Variants in MCTP1 observed in about 807,000 individuals in gnomAD.
MCTP1 encodes multiple C2 and transmembrane domain containing 1.
In MCTP1, 69 loss-of-function variants were observed where a neutral mutation model predicts 120.6. The observed-to-expected ratio is 0.57, with a 90% CI of 0.47 to 0.70. MCTP1 has a LOEUF of 0.70. Among genes scored for constraint, MCTP1 ranks in the 30% least tolerant of loss-of-function variants. MCTP1 has a pLI of 0.00. For missense variants in MCTP1, 1,203 were observed against 1,248.8 expected (o/e 0.96, Z 0.55); for synonymous variants, 529 against 493.1 (o/e 1.07, Z -0.96).
At chr5:95,067,833 G>A (rs1481154687) in intron 1 of MCTP1, among the ~76,000 whole-genome samples, 2 of 152,048 alleles carry the variant, frequency 1.3e-5, no homozygotes, top group African/African-American at 4.8e-5. Context: ...TGACAATTTG[G>A]AAATATACAA....
chr5:95,092,959 C>T (rs916988341), intron 1 of MCTP1, among the ~76,000 whole-genome samples: 2 of 152,126 alleles, frequency 1.3e-5, no homozygotes, highest in Admixed American at 6.5e-5. Context: ...TCTTAAGACA[C>T]CTCATAGGGA....
rs189627333 is a variant in MCTP1, at chr5:95,204,569, A to G, written c.720+79287T>C. On this transcript the variant is annotated intron_variant, in intron 1 of 22. Transcript: ENST00000515393. ...AATATGAAAGTCATCCAGATTGGAA[A>G]GGAAGAAATAAAGTTATCTCTACTT... is the stretch of plus-strand genomic sequence containing the variant. Among the ~76,000 whole-genome samples the G allele has an allele frequency of 3.2e-3, 482 of 152,330 alleles. 4 individuals carry two copies. Among genetic ancestry groups the G allele is most frequent in the African/African-American group, 0.011 (459 of 41,580 alleles).
intron 12 of MCTP1, among the ~76,000 whole-genome samples, chr5:94,879,198 T>C (rs1365694251): frequency 1.3e-5 from 2 of 152,110 alleles, no homozygotes. Flanking sequence ...GTATACTGTG[T>C]GAAATGGCAG....
intron 17 of MCTP1, among the ~76,000 whole-genome samples, chr5:94,837,264 C>G (rs1343055109): frequency 6.6e-6 from 1 of 152,024 alleles, no homozygotes; most frequent in Non-Finnish European, 1.5e-5. Context: ...ACCTGTAGTC[C>G]CAGCTGCTCG....
chr5:94,759,903 G>GGA (rs775449598), intron 19 of MCTP1, among the ~76,000 whole-genome samples: 2 of 78,906 alleles, frequency 2.5e-5, no homozygotes, highest in Admixed American at 1.9e-4. Context: ...TTTTCAAAGA[G>GGA]AAAAAAAAAA....
chr5:95,223,519 G>A (rs1753919619), intron 1 of MCTP1, among the ~76,000 whole-genome samples: 1 of 151,800 alleles, frequency 6.6e-6, no homozygotes, highest in African/African-American at 2.4e-5. Flanking sequence ...CCTCTTTAAG[G>A]GGGAGTGGAC....
At chr5:95,010,960 C>A (rs1287720724) in intron 2 of MCTP1, among the ~76,000 whole-genome samples, 1 of 152,104 alleles carries the variant, frequency 6.6e-6, no homozygotes, top group Non-Finnish European at 1.5e-5. Context: ...GATGTTTTCT[C>A]ATGATTACAT....
At chr5:95,012,383 T>C (rs888697861) in intron 2 of MCTP1, among the ~76,000 whole-genome samples, 1 of 152,152 alleles carries the variant, frequency 6.6e-6, no homozygotes, top group African/African-American at 2.4e-5. Flanking sequence ...CATACATTTA[T>C]GTATAGTTCT....
chr5:95,115,800 GATTT>G (rs1184483162), intron 1 of MCTP1, among the ~76,000 whole-genome samples: 1 of 152,070 alleles, frequency 6.6e-6, no homozygotes, highest in Non-Finnish European at 1.5e-5. Context: ...ATACCAAGCA[GATTT>G]AACCTTAAGA....
intron 18 of MCTP1, among the ~76,000 whole-genome samples, chr5:94,785,828 A>T (rs932560079): frequency 3.9e-5 from 6 of 152,180 alleles, no homozygotes; most frequent in African/African-American, 1.4e-4. Flanking sequence ...CTGCTGTGAC[A>T]TTTTAAAGAG....
At chr5:94,946,094 A>C (rs1818842499) in intron 3 of MCTP1, among the ~76,000 whole-genome samples, 1 of 152,228 alleles carries the variant, frequency 6.6e-6, no homozygotes. Flanking sequence ...AAGAATGTTA[A>C]GATGGAGGAA....
intron 8 of MCTP1, among the ~76,000 whole-genome samples, chr5:94,914,216 C>T (rs1581328580): frequency 6.6e-6 from 1 of 152,110 alleles, no homozygotes; most frequent in African/African-American, 2.4e-5. Flanking sequence ...TGTGTTTTTC[C>T]TACTCACAGT....
intron 2 of MCTP1, among the ~76,000 whole-genome samples, chr5:94,990,363 A>G (rs902504052): frequency 4.6e-5 from 7 of 152,190 alleles, no homozygotes; most frequent in African/African-American, 1.7e-4. Context: ...AGCTAGACTG[A>G]GTTCTCATCT....
chr5:95,026,322 T>G (rs1839250836), intron 1 of MCTP1, among the ~76,000 whole-genome samples: 1 of 152,136 alleles, frequency 6.6e-6, no homozygotes, highest in African/African-American at 2.4e-5. Context: ...CTTTAGTACT[T>G]TAAAATGTAC....
intron 17 of MCTP1, among the ~76,000 whole-genome samples, chr5:94,850,659 G>A (rs1182911168): frequency 6.6e-6 from 1 of 152,058 alleles, no homozygotes; most frequent in East Asian, 1.9e-4. Context: ...GTTTTGCATT[G>A]TTTCCCTCTT....
intron 22 of MCTP1, 62 bp from the exon 23 acceptor site, chr5:94,707,629 C>A (rs1166884543): frequency 1.6e-6 from 2 of 1,260,122 alleles, no homozygotes; most frequent in East Asian, 2.3e-5. Context: ...AAGAAAGGAA[C>A]AGCAAAGGAA....
intron 19 of MCTP1, among the ~76,000 whole-genome samples, chr5:94,728,208 G>A (rs914137461): frequency 6.6e-6 from 1 of 151,954 alleles, no homozygotes; most frequent in East Asian, 1.9e-4. Flanking sequence ...ATTTATTTGA[G>A]GGAGAAAGGG....
In MCTP1 at chr5:94,809,552, A is replaced by C. The variant is rs191579463; in HGVS notation, c.2437-10420T>G. Among the ~76,000 whole-genome samples, 5 of 152,270 alleles carry C rather than the reference A, an allele frequency of 3.3e-5. No individual in the cohort carries two copies. The East Asian group carries it at 7.7e-4, about 23-fold the overall frequency. On this transcript the variant is annotated intron_variant, in intron 17 of 22. Coordinates refer to ENST00000515393, the MANE Select transcript of MCTP1 (RefSeq NM_024717.7). ...TTAGAAATTAGTCTGTTACCTTTGTAGTTTGTAATGCCTACCACGGTATCA... is the reference window on the plus strand; with the variant it reads ...TTAGAAATTAGTCTGTTACCTTTGTCGTTTGTAATGCCTACCACGGTATCA...
At chr5:94,906,705 C>A (rs1807013693) in intron 10 of MCTP1, among the ~76,000 whole-genome samples, 1 of 151,986 alleles carries the variant, frequency 6.6e-6, no homozygotes, top group Non-Finnish European at 1.5e-5. Context: ...CAATTATAAA[C>A]CATAGCATAA....
Sources: allele counts gnomAD v4.1 joint callset (sites outside exome capture counted in the v4.1 genomes callset), GRCh38; gene constraint gnomAD v4.1.1; transcripts MANE v1.5; gene names NCBI Gene and HGNC (gene_info 2026-07-23, HGNC 2026-07-21).